The following LAMB1 variants were observed in gnomAD, a reference collection of about 807,000 sequenced individuals.
LAMB1 encodes laminin subunit beta 1.
In LAMB1, 121 loss-of-function variants were observed where a neutral mutation model predicts 222.3. The ratio of observed to expected loss-of-function variants is 0.54; its 90% CI spans 0.47 to 0.63. The LOEUF (loss-of-function observed/expected upper bound fraction) is 0.63, where lower values mean the gene tolerates loss of function less well. LAMB1 is among the 30% of genes least tolerant of loss of function. The probability of loss-of-function intolerance (pLI) is 0.00; values close to 1 mark genes in which losing one functional copy is unlikely to be tolerated. For synonymous variants in LAMB1, 794 were observed against 807.2 expected (o/e 0.98, Z 0.28); for missense variants, 2,172 against 2,240.8 (o/e 0.97, Z 0.62).
intron 13 of LAMB1, among the ~76,000 whole-genome samples, chr7:107,965,926 G>A (rs540237188): frequency 1.3e-4 from 19 of 151,818 alleles, no homozygotes; most frequent in South Asian, 4.2e-4. Flanking sequence ...GTGAAACCCC[G>A]TCTCTACTGA....
chr7:107,975,348 T>C lies in LAMB1; in HGVS notation c.1255A>G (p.Thr419Ala), dbSNP rs1236734250. ...GICDSYTDFS[T>A]GLIAGQCRCK... Reference sequence around the variant, plus strand: ...CGACACTGGCCAGCAATGAGACCAGTAGAAAAATCAGTATAGCTGTCACAA... The same window carrying C: ...CGACACTGGCCAGCAATGAGACCAGCAGAAAAATCAGTATAGCTGTCACAA... Residue 419 changes from threonine (T) to alanine (A), a missense_variant, in exon 11 of 34, where the codon ACT (threonine) becomes GCT (alanine). Thr to Ala is a moderately conservative substitution (Grantham distance 58). Coordinates refer to ENST00000222399, the MANE Select transcript of LAMB1 (RefSeq NM_002291.3). The C allele has an allele frequency of 5.6e-6, 9 of 1,613,914 alleles. No individual in the cohort carries two copies. Among genetic ancestry groups the C allele is most frequent in the Non-Finnish European group, 7.6e-6 (9 of 1,179,980 alleles).
At position 107,961,520 on chromosome 7, in the gene LAMB1, T is replaced by C. The variant is rs377149275; in HGVS notation, c.1985+29A>G. 1.3e-5 allele frequency: 21 copies of C among 1,601,838 alleles called. No individual in the cohort carries two copies. In the East Asian group the frequency reaches 2.2e-4, roughly 17 times the overall value. ...AATACTAATTTGCATATGAAGCCCG[T>C]TGAGCTGCCAAACCACCGTCACACT... is the stretch of plus-strand genomic sequence containing the variant. On this transcript the variant is annotated intron_variant, in intron 16 of 33. Transcript: ENST00000222399.
At chr7:107,940,525 G>C (rs997077730) in intron 24 of LAMB1, 167 bp from the exon 25 acceptor site, 13 of 649,926 alleles carry the variant, frequency 2.0e-5, no homozygotes, top group Middle Eastern at 8.5e-4. Context: ...TCTAGCACAT[G>C]CGTGACTTCA....
At chr7:107,950,896 T>G (rs1264335386) in intron 24 of LAMB1, among the ~76,000 whole-genome samples, 1 of 151,300 alleles carries the variant, frequency 6.6e-6, no homozygotes, top group East Asian at 2.0e-4. Context: ...TAAAAGTATT[T>G]TAAAAAGCAG....
intron 20 of LAMB1, among the ~76,000 whole-genome samples, chr7:107,957,160 C>T (rs954505690): frequency 7.2e-5 from 11 of 152,118 alleles, no homozygotes; most frequent in African/African-American, 1.2e-4. Context: ...GAGGCTGCAG[C>T]GGGTGGATCA....
In LAMB1 at chr7:107,952,200, T is replaced by A; in HGVS notation, c.3103A>T (p.Thr1035Ser). 1.2e-6 allele frequency: 2 copies of A among 1,607,452 alleles called. No individual in the cohort carries two copies. The highest frequency in any genetic ancestry group is 2.2e-5 in the East Asian group (1 of 44,694). Residue 1035 changes from threonine (T) to serine (S), a missense_variant, in exon 23 of 34, where the codon ACC becomes TCC. Thr to Ser is a moderately conservative substitution (Grantham distance 58). Coordinates refer to ENST00000222399, the MANE Select transcript of LAMB1 (RefSeq NM_002291.3). ...GAGCCGTTACAGTGCTCTTGCACGG[T>A]GCCCAGGTAATTACAGACACACTCT... is the stretch of plus-strand genomic sequence containing the variant. The part of the protein sequence containing the change: ...CRKCVCNYLG[T>S]VQEHCNGSDC...
Position 107,931,482 on chromosome 7 carries a change from T to C in LAMB1, c.4411A>G (p.Arg1471Gly), listed in dbSNP as rs560218163. ...LSKMVSEAKLRADEAKQSAED... is the reference protein window; with the variant it reads ...LSKMVSEAKLGADEAKQSAED... The stretch of plus-strand genomic sequence containing the variant: ...GCACTTTGTTTTGCCTCATCTGCCC[T>C]CAGTTTTGCTTCAGAGACCTAAATA... Residue 1471 changes from arginine to glycine, a missense_variant, in exon 29 of 34, where the codon AGG (arginine) becomes GGG (glycine). Transcript: ENST00000222399. 1 of 1,613,542 alleles carries C rather than the reference T, an allele frequency of 6.2e-7. No homozygotes were observed. The highest frequency in any genetic ancestry group is 2.2e-5 in the East Asian group (1 of 44,826).
intron 25 of LAMB1, among the ~76,000 whole-genome samples, chr7:107,939,060 G>T (rs1336178467): frequency 6.6e-6 from 1 of 152,160 alleles, no homozygotes; most frequent in Non-Finnish European, 1.5e-5. Flanking sequence ...CAGTGTGCAG[G>T]ATTTAACTGT....
chr7:107,934,731 A>G (rs1196371737), intron 27 of LAMB1, among the ~76,000 whole-genome samples: 1 of 152,104 alleles, frequency 6.6e-6, no homozygotes, highest in Non-Finnish European at 1.5e-5. Flanking sequence ...GAATTCCTAC[A>G]CTGAGATGGG....
chr7:107,935,484 C>T lies in LAMB1; in HGVS notation c.4119G>A (p.Glu1373=), dbSNP rs747010907. 7 of 1,613,222 alleles carry T rather than the reference C, an allele frequency of 4.3e-6. No individual in the cohort carries two copies. The highest frequency in any genetic ancestry group is 1.7e-5 in the Admixed American group (1 of 59,910). The stretch of plus-strand genomic sequence containing the variant: ...CCAGTTCATCAAGGAGGCGAGCCTG[C>T]TCCTCTTGTTTTTCCTTGAACTGGG... ...RESQFKEKQE[E]QARLLDELAG... The change falls in exon 27 of 34, where the codon GAG becomes GAA. Residue 1373 remains glutamate, a synonymous_variant. Transcript: ENST00000222399.
chr7:107,976,506 G>A (rs901806980), intron 9 of LAMB1, among the ~76,000 whole-genome samples: 3 of 152,062 alleles, frequency 2.0e-5, no homozygotes, highest in African/African-American at 7.2e-5. Flanking sequence ...TCTCGCTCTC[G>A]GGCTTAACAA....
At position 107,980,628 on chromosome 7, in the gene LAMB1, TTGAATCCA is replaced by T. The variant is rs774242965; in HGVS notation, c.852_859del (p.Asp284GlufsTer2). On this transcript the variant is annotated frameshift_variant, in exon 8 of 34. Transcript: ENST00000222399. LOFTEE classifies it high-confidence loss of function. Reference sequence around the variant, plus strand: ...ACTTACCATTCCTTCCACTTCTTCATTGAATCCATCCACAGGGGCACATTCGCTGGCAT... The same window carrying T: ...ACTTACCATTCCTTCCACTTCTTCATTCCACAGGGGCACATTCGCTGGCAT... 6.2e-7 allele frequency: 1 copy of T among 1,614,054 alleles called. No homozygotes were observed. Among genetic ancestry groups the T allele is most frequent in the Non-Finnish European group, 8.5e-7 (1 of 1,179,972 alleles).
intron 21 of LAMB1, 65 bp from the exon 22 acceptor site, chr7:107,953,819 G>T: frequency 7.3e-7 from 1 of 1,368,252 alleles, no homozygotes; most frequent in Non-Finnish European, 1.0e-6. Flanking sequence ...CCAGTGCACC[G>T]ACACTCATGC....
rs1239410271 is a variant in LAMB1, at chr7:107,963,040, T to C, written c.1722A>G (p.Gln574=). 1.2e-6 allele frequency: 2 copies of C among 1,613,648 alleles called. No individual in the cohort carries two copies. The highest frequency in any genetic ancestry group is 1.7e-6 in the Non-Finnish European group (2 of 1,179,796). ...LGPGVSIVER[Q]YIQDRIPSWT... is the part of the protein sequence containing the mutation. ...AGGAGGGAATCCGGTCCTGGATATATTGCCGCTCCACTATGCTAACCCCCT... is the reference window on the plus strand; with the variant it reads ...AGGAGGGAATCCGGTCCTGGATATACTGCCGCTCCACTATGCTAACCCCCT... The change falls in exon 15 of 34, where the codon CAA becomes CAG. Residue 574 remains glutamine (Q), a synonymous_variant. Coordinates refer to ENST00000222399, the MANE Select transcript of LAMB1 (RefSeq NM_002291.3).
At chr7:107,940,416 A>T in intron 24 of LAMB1, 58 bp from the exon 25 acceptor site, 1 of 1,544,572 alleles carries the variant, frequency 6.5e-7, no homozygotes, top group Non-Finnish European at 8.8e-7. Context: ...CAGTGACAAG[A>T]TGTGGCATTT....
At chr7:107,943,900 C>T (rs143984181) in intron 24 of LAMB1, among the ~76,000 whole-genome samples, 53 of 152,288 alleles carry the variant, frequency 3.5e-4, no homozygotes, top group African/African-American at 1.1e-3. Flanking sequence ...ATCACGACTT[C>T]GGAAGTTCAG....
intron 5 of LAMB1, among the ~76,000 whole-genome samples, chr7:107,993,093 C>T (rs1307938963): frequency 2.6e-5 from 4 of 152,226 alleles, no homozygotes; most frequent in South Asian, 2.1e-4. Context: ...AGCTAGGACC[C>T]GAAGGATGAG....
intron 4 of LAMB1, among the ~76,000 whole-genome samples, chr7:107,995,841 C>A (rs1157076450): frequency 2.0e-5 from 3 of 152,014 alleles, no homozygotes; most frequent in Non-Finnish European, 2.9e-5. Context: ...TGCGGAAAGA[C>A]AGGAATGTGT....
chr7:107,931,075 C>T (rs1001910783), intron 29 of LAMB1, among the ~76,000 whole-genome samples: 6 of 152,028 alleles, frequency 3.9e-5, no homozygotes, highest in Non-Finnish European at 7.4e-5. Context: ...AATTACTATA[C>T]GTAATTTCTA....
Sources: gnomAD v4.1 joint callset for allele counts (sites outside exome capture counted in the v4.1 genomes callset) on GRCh38, gnomAD v4.1.1 for gene constraint, MANE v1.5 for transcripts, NCBI Gene and HGNC (gene_info 2026-07-23, HGNC 2026-07-21) for gene names.